The following TRPM1 variants were observed in gnomAD, a reference collection of about 807,000 sequenced individuals.
TRPM1 encodes the protein transient receptor potential cation channel subfamily M member 1, also known as TRPM1-203 APA Isoform, Intron 10.
In TRPM1, 113 loss-of-function variants were observed where a neutral mutation model predicts 149.4. The observed-to-expected ratio is 0.76, with a 90% confidence interval of 0.65 to 0.88. The LOEUF (loss-of-function observed/expected upper bound fraction) is 0.88, where lower values mean the gene tolerates loss of function less well. Ranked by LOEUF, TRPM1 falls within the 40% of genes least tolerant of loss-of-function variation. The probability of loss-of-function intolerance (pLI) is 0.00; values close to 1 mark genes in which losing one functional copy is unlikely to be tolerated. For missense variants in TRPM1, 1,976 were observed against 2,038.7 expected, an observed-to-expected ratio of 0.97 and a Z score of 0.59; for synonymous variants, 741 against 759.5, an observed-to-expected ratio of 0.98 and a Z score of 0.40.
chr15:31,126,739 A>C (rs1049533947), intron 1 of TRPM1, among the ~76,000 whole-genome samples: 1 of 152,146 alleles, frequency 6.6e-6, no homozygotes, highest in Admixed American at 6.5e-5. Context: ...CAAGGCAGAC[A>C]GATCACTTGA....
chr15:31,080,371 A>G (rs1179346228), intron 2 of TRPM1, among the ~76,000 whole-genome samples: 1 of 152,220 alleles, frequency 6.6e-6, no homozygotes, highest in African/African-American at 2.4e-5. Flanking sequence ...ATCGCCTGTC[A>G]TGGAACAAAT....
intron 1 of TRPM1, among the ~76,000 whole-genome samples, chr15:31,087,743 G>A (rs189878582): frequency 1.3e-5 from 2 of 152,294 alleles, no homozygotes; most frequent in African/African-American, 2.4e-5. Context: ...AGGACATGGC[G>A]ATAAGTGAAA....
At position 31,040,615 on chromosome 15, in the gene TRPM1, C is replaced by A. The variant is rs2911850; in HGVS notation, c.2088-269G>T. The stretch of plus-strand genomic sequence containing the variant: ...TTGAGACCACATCTGCCCCTCAGAC[C>A]CCAGGGACATAGAGACGAGAAGACA... On this transcript the variant is annotated intron_variant, in intron 17 of 27. Coordinates refer to ENST00000256552, the MANE Select transcript of TRPM1 (RefSeq NM_001252024.2). The surrounding 1 kb of genome is among the most constrained non-coding windows in gnomAD (Gnocchi z 4.2). 6.6e-6 allele frequency among the ~76,000 whole-genome samples: 1 copy of A among 152,018 alleles called. No homozygotes were observed. The highest frequency in any genetic ancestry group is 1.5e-5 in the Non-Finnish European group (1 of 68,004).
At chr15:31,015,385 C>T (rs1330018974) in intron 27 of TRPM1, among the ~76,000 whole-genome samples, 1 of 150,974 alleles carries the variant, frequency 6.6e-6, no homozygotes, top group Non-Finnish European at 1.5e-5. Context: ...GCCCTCCAGC[C>T]TGGGTGACAG....
rs188852505 is a variant in TRPM1 at position 31,067,130 on chromosome 15, C to T, written c.551G>A (p.Arg184Gln). Reference protein sequence around the residue: ...LKDHSSKSRGRVCAIGIAPWG... With the variant: ...LKDHSSKSRGQVCAIGIAPWG... ...TGGAGCAATTCCTATAGCACAAACC[C>T]GGCCTCTGGACTTGGAGGAGTGGTC... Residue 184 changes from arginine to glutamine, a missense_variant, in exon 6 of 28, where the codon CGG becomes CAG. This residue lies in a region of TRPM1 where 1,332 missense variants were observed against 1,347.1 expected (regional missense o/e 0.99). Transcript: ENST00000256552. 8.6e-4 allele frequency: 1,392 copies of T among 1,614,140 alleles called. 2 individuals carry two copies. Among genetic ancestry groups the T allele is most frequent in the Non-Finnish European group, 1.1e-3 (1,248 of 1,180,024 alleles).
chr15:31,123,776 G>A, intron 1 of TRPM1, among the ~76,000 whole-genome samples: 1 of 152,178 alleles, frequency 6.6e-6, no homozygotes, highest in East Asian at 1.9e-4. Flanking sequence ...AGACAGTCTG[G>A]CAGTTTCTTA....
intron 27 of TRPM1, among the ~76,000 whole-genome samples, chr15:31,025,634 C>T (rs535076414): frequency 6.6e-6 from 1 of 151,746 alleles, no homozygotes; most frequent in Non-Finnish European, 1.5e-5. Flanking sequence ...AGACACCTCA[C>T]CCCCCACCCT....
At chr15:31,084,338 T>A (rs1023373467) in intron 1 of TRPM1, among the ~76,000 whole-genome samples, 4 of 152,156 alleles carry the variant, frequency 2.6e-5, no homozygotes, top group African/African-American at 9.7e-5. Flanking sequence ...AAAAAGCCGG[T>A]ACCCATTAGC....
At chr15:31,033,439 A>G (rs1284701305) in intron 21 of TRPM1, among the ~76,000 whole-genome samples, 1 of 152,226 alleles carries the variant, frequency 6.6e-6, no homozygotes, top group Non-Finnish European at 1.5e-5. Context: ...CCCCTACTTG[A>G]GATATTATCC....
chr15:31,137,997 G>A (rs749643102), intron 1 of TRPM1, among the ~76,000 whole-genome samples: 6 of 152,098 alleles, frequency 3.9e-5, no homozygotes, highest in South Asian at 2.1e-4. Context: ...CATGTGTGTG[G>A]GAACTGGGGA....
Position 31,040,065 on chromosome 15 carries a change from G to T in TRPM1, c.2316+53C>A. On this transcript the variant is annotated intron_variant, in intron 18 of 27. Transcript: ENST00000256552. The surrounding 1 kb of genome is among the most constrained non-coding windows in gnomAD (Gnocchi z 4.2). Reference sequence around the variant, plus strand: ...AGAAAGTGCTCAGTTCAGCCTGGCAGAGAGTCACTTGTCACTGTCACCCTG... The same window carrying T: ...AGAAAGTGCTCAGTTCAGCCTGGCATAGAGTCACTTGTCACTGTCACCCTG... 6.6e-7 allele frequency: 1 copy of T among 1,523,872 alleles called. No individual in the cohort carries two copies. The highest frequency in any genetic ancestry group is 9.1e-7 in the Non-Finnish European group (1 of 1,098,370). The allele number at this position is 1,523,872 out of a possible 1,614,324, so 94.4% of individuals were successfully genotyped here.
chr15:31,006,200 C>T (rs141788196), intron 27 of TRPM1, among the ~76,000 whole-genome samples: 2,839 of 151,198 alleles, frequency 0.019, 61 homozygotes, highest in African/African-American at 0.054. Flanking sequence ...TTTTTTGAGA[C>T]GGAGTCTTGC....
chr15:31,098,847 G>T (rs1269824253), intron 1 of TRPM1, among the ~76,000 whole-genome samples: 1 of 152,114 alleles, frequency 6.6e-6, no homozygotes, highest in African/African-American at 2.4e-5. Flanking sequence ...GCCAGGGATT[G>T]GGGGAGCGGG....
At chr15:31,097,217 G>C (rs1257692443) in intron 1 of TRPM1, among the ~76,000 whole-genome samples, 1 of 151,972 alleles carries the variant, frequency 6.6e-6, no homozygotes, top group African/African-American at 2.4e-5. Context: ...GTGGGAGCAG[G>C]TAGCTGTCAC....
chr15:31,064,633 G>T (rs1409233421), intron 7 of TRPM1, among the ~76,000 whole-genome samples: 1 of 152,214 alleles, frequency 6.6e-6, no homozygotes, highest in Non-Finnish European at 1.5e-5. Context: ...AGTATCGTTG[G>T]TCTCAGCTCT....
In TRPM1 at chr15:31,072,018, T is replaced by TAGAGAGAGAGAG. The variant is rs61039099; in HGVS notation, c.84-1804_84-1793dup. Among the ~76,000 whole-genome samples, 61 of 36,880 alleles carry TAGAGAGAGAGAG rather than the reference T, an allele frequency of 1.7e-3. 1 individual carries two copies. Among genetic ancestry groups the TAGAGAGAGAGAG allele is most frequent in the African/African-American group, 5.6e-3 (50 of 8,962 alleles). The allele number at this position is 36,880 out of a possible 152,430, so 24.2% of individuals were successfully genotyped here. On this transcript the variant is annotated intron_variant, in intron 3 of 27. Coordinates refer to ENST00000256552, the MANE Select transcript of TRPM1 (RefSeq NM_001252024.2). ...ATATATATATATATATATATATATA[T>TAGAGAGAGAGAG]AGAGAGAGAGAGAGAGAGAGAGAGA...
In TRPM1 at chr15:31,149,629, C is replaced by T. The variant is rs1030553351; in HGVS notation, c.54+11277G>A. ...CCGCCTCCCGGGTTCACGCCATTCT[C>T]CTGCCTCAGCCTCCCGAGTAGCTGG... On this transcript the variant is annotated intron_variant, in intron 1 of 26. Coordinates refer to the TRPM1 transcript ENST00000542188. 2.6e-5 allele frequency among the ~76,000 whole-genome samples: 4 copies of T among 151,172 alleles called. No individual in the cohort carries two copies. The South Asian group carries it at 6.3e-4, about 24-fold the overall frequency.
Position 31,002,397 on chromosome 15 carries a change from A to C in TRPM1, c.4303T>G (p.Tyr1435Asp), listed in dbSNP as rs372443930. The change falls in exon 28 of 28, where the codon TAT becomes GAT. Residue 1435 changes from tyrosine to aspartate, a missense_variant. Physicochemically the swap from Tyr to Asp is radical, Grantham distance 160. Coordinates refer to ENST00000256552, the MANE Select transcript of TRPM1 (RefSeq NM_001252024.2). ...ETTNIEGTIS[Y>D]PLEETKITRY... ...GTAATTTTGGTTTCTTCCAGGGGATAGGAAATAGTGCCTTCTATATTTGTC... is the reference window on the plus strand; with the variant it reads ...GTAATTTTGGTTTCTTCCAGGGGATCGGAAATAGTGCCTTCTATATTTGTC... 5 of 1,614,274 alleles carry C rather than the reference A, an allele frequency of 3.1e-6. No homozygotes were observed. The highest frequency in any genetic ancestry group is 3.4e-6 in the Non-Finnish European group (4 of 1,180,040).
chr15:31,068,795 C>T lies in TRPM1; in HGVS notation c.280-703G>A, dbSNP rs917977291. Reference sequence around the variant, plus strand: ...GAGGACTCAGAGAGCTTGTTCTCTGCTTCTGCCATGTGAGGACACAGCAAG... The same window carrying T: ...GAGGACTCAGAGAGCTTGTTCTCTGTTTCTGCCATGTGAGGACACAGCAAG... On this transcript the variant is annotated intron_variant, in intron 4 of 27. Transcript: ENST00000256552. Among the ~76,000 whole-genome samples, 19 of 147,854 alleles carry T rather than the reference C, an allele frequency of 1.3e-4. No individual in the cohort carries two copies. The South Asian group carries it at 1.5e-3, about 12-fold the overall frequency.
Sources: gnomAD v4.1 joint callset for allele counts (sites outside exome capture counted in the v4.1 genomes callset) on GRCh38, gnomAD v4.1.1 for gene constraint, gnomAD v4.1.1 regional missense constraint, Gnocchi (gnomAD v3.1) non-coding constraint, MANE v1.5 for transcripts, NCBI Gene and HGNC (gene_info 2026-07-23, HGNC 2026-07-21) for gene names.